The following RNASE4 variants were observed in gnomAD, a reference collection of about 807,000 sequenced individuals.
RNASE4 encodes ribonuclease A family member 4.
For synonymous variants in RNASE4, 93 were observed against 71.4 expected (o/e 1.30, Z -1.52); for missense variants, 194 against 192.8 (o/e 1.01, Z -0.04).
At chr14:20,693,218 G>T (rs2139022209) in intron 1 of RNASE4, among the ~76,000 whole-genome samples, 1 of 152,304 alleles carries the variant, frequency 6.6e-6, no homozygotes, top group Non-Finnish European at 1.5e-5. Context: ...CCTATGTAAT[G>T]TTCATTATTC....
intron 1 of RNASE4, among the ~76,000 whole-genome samples, chr14:20,687,747 A>G (rs760101583): frequency 6.6e-6 from 1 of 152,210 alleles, no homozygotes. Flanking sequence ...GAAAGATTGC[A>G]CTGAATATTA....
chr14:20,699,761 T>G lies in RNASE4; in HGVS notation c.390T>G (p.Arg130=). Residue 130 remains arginine (R), a synonymous_variant, in exon 2 of 2, where the codon CGT becomes CGG. Transcript: ENST00000555835. ...ATCGGGCCATAGCGAGCACTAGACG[T>G]GTTGTCATTGCCTGTGAGGGTAACC... ...CRYRAIASTR[R]VVIACEGNPQ... is the part of the protein sequence containing the mutation. The G allele has an allele frequency of 6.2e-7, 1 of 1,612,126 alleles. No individual in the cohort carries two copies. Among genetic ancestry groups the G allele is most frequent in the Non-Finnish European group, 8.5e-7 (1 of 1,180,002 alleles).
At chr14:20,688,783 C>T in intron 1 of RNASE4, 1 of 985,326 alleles carries the variant, frequency 1.0e-6, no homozygotes, top group Non-Finnish European at 1.2e-6. Flanking sequence ...TCCAGGTTCA[C>T]ACAACTGGAA....
At chr14:20,693,946 GT>G (rs1322637152) in intron 1 of RNASE4, 1 of 1,614,120 alleles carries the variant, frequency 6.2e-7, no homozygotes, top group Non-Finnish European at 8.5e-7. Flanking sequence ...CAGAAACGTT[GT>G]TGTTGCTTGT....
chr14:20,700,600 G>A lies in RNASE4; in HGVS notation c.*785G>A, dbSNP rs113218036. Reference sequence around the variant, plus strand: ...AAGGACCTAAACCGAAGGTACCTGAGAAGACTGTGCTATGGTATTATTTTT... The same window carrying A: ...AAGGACCTAAACCGAAGGTACCTGAAAAGACTGTGCTATGGTATTATTTTT... On this transcript the variant is annotated 3_prime_UTR_variant, in exon 2 of 2. Transcript: ENST00000555835. 1 of 167,026 alleles carries A rather than the reference G, an allele frequency of 6.0e-6. No homozygotes were observed. Among genetic ancestry groups the A allele is most frequent in the African/African-American group, 2.4e-5 (1 of 41,428 alleles). 10.3% of individuals were successfully genotyped at this position (167,026 alleles called of 1,614,324 possible).
At chr14:20,691,002 G>C (rs563220994) in intron 1 of RNASE4, among the ~76,000 whole-genome samples, 1 of 152,302 alleles carries the variant, frequency 6.6e-6, no homozygotes, top group Admixed American at 6.5e-5. Flanking sequence ...GAACTTTGTG[G>C]CTTTTACTTT....
chr14:20,691,925 A>G (rs1886772615), intron 1 of RNASE4, among the ~76,000 whole-genome samples: 1 of 152,130 alleles, frequency 6.6e-6, no homozygotes, highest in African/African-American at 2.4e-5. Flanking sequence ...GGCTAGCCAC[A>G]CCACAGGCCT....
intron 1 of RNASE4, chr14:20,693,682 G>A: frequency 6.2e-7 from 1 of 1,614,180 alleles, no homozygotes; most frequent in South Asian, 1.1e-5. Flanking sequence ...GCACTATGAT[G>A]CCAAACCACA....
intron 1 of RNASE4, chr14:20,694,037 CTGCTG>C: frequency 1.2e-6 from 2 of 1,612,710 alleles, no homozygotes; most frequent in Non-Finnish European, 1.7e-6. Context: ...AGTGCTGGCT[CTGCTG>C]TCCTTGCCTT....
Position 20,693,749 on chromosome 14 carries a change from C to CCTGCA in RNASE4, c.-17-5605_-17-5601dup, listed in dbSNP as rs747227363. ...ATGAGGAGACGGGGCCTGACCTCAC[C>CCTGCA]CTGCAAAGACATCAACACATTTATT... On this transcript the variant is annotated intron_variant, in intron 1 of 1. Transcript: ENST00000555835. 17 of 1,614,136 alleles carry CCTGCA rather than the reference C, an allele frequency of 1.1e-5. No individual in the cohort carries two copies. The South Asian group carries it at 1.8e-4, about 17-fold the overall frequency.
At chr14:20,694,541 C>T (rs994321240) in intron 1 of RNASE4, among the ~76,000 whole-genome samples, 2 of 152,080 alleles carry the variant, frequency 1.3e-5, no homozygotes, top group Non-Finnish European at 2.9e-5. Context: ...CTCGGGAGAT[C>T]CGCCCACCTT....
At chr14:20,695,382 G>A (rs925541177) in intron 1 of RNASE4, among the ~76,000 whole-genome samples, 2 of 144,200 alleles carry the variant, frequency 1.4e-5, no homozygotes, top group Admixed American at 1.4e-4. Flanking sequence ...GCGACAGAGC[G>A]AGACTCCATC....
At chr14:20,687,252 T>C (rs1886470209) in intron 1 of RNASE4, among the ~76,000 whole-genome samples, 1 of 152,236 alleles carries the variant, frequency 6.6e-6, no homozygotes, top group Non-Finnish European at 1.5e-5. Context: ...AAAACTTCCT[T>C]GTGCCAAGTT....
chr14:20,696,138 T>C (rs1309016118), intron 1 of RNASE4, among the ~76,000 whole-genome samples: 1 of 152,224 alleles, frequency 6.6e-6, no homozygotes, highest in Non-Finnish European at 1.5e-5. Context: ...ACCATTATTA[T>C]ATTGATCACA....
Position 20,699,873 on chromosome 14 carries a change from C to A in RNASE4, c.*58C>A. The A allele has an allele frequency of 6.9e-7, 1 of 1,455,294 alleles. No homozygotes were observed. Among genetic ancestry groups the A allele is most frequent in the Non-Finnish European group, 9.6e-7 (1 of 1,046,098 alleles). 90.1% of individuals were successfully genotyped at this position (1,455,294 alleles called of 1,614,324 possible). Reference sequence around the variant, plus strand: ...GACCTTACACTTACTCCTTAAATAGCAGTGAGTAATGCATTTGAGCTGTCC... The same window carrying A: ...GACCTTACACTTACTCCTTAAATAGAAGTGAGTAATGCATTTGAGCTGTCC... On this transcript the variant is annotated 3_prime_UTR_variant, in exon 2 of 2. Coordinates refer to ENST00000555835, the MANE Select transcript of RNASE4 (RefSeq NM_002937.5).
In RNASE4 at chr14:20,700,176, G is replaced by A. The variant is rs138521344; in HGVS notation, c.*361G>A. The A allele has an allele frequency of 1.8e-3, 362 of 203,768 alleles. 2 individuals carry two copies. The highest frequency in any genetic ancestry group is 7.8e-3 in the African/African-American group (333 of 42,782). The allele number at this position is 203,768 out of a possible 1,614,324, so 12.6% of individuals were successfully genotyped here. On this transcript the variant is annotated 3_prime_UTR_variant, in exon 2 of 2. Coordinates refer to ENST00000555835, the MANE Select transcript of RNASE4 (RefSeq NM_002937.5). ...TTAATACCACAGCACTTATAATGAT[G>A]TCACTACATATAGAAGCTCAAAGTT...
intron 1 of RNASE4, among the ~76,000 whole-genome samples, chr14:20,696,890 A>G (rs1021718249): frequency 2.6e-5 from 4 of 152,182 alleles, no homozygotes; most frequent in Non-Finnish European, 5.9e-5. Context: ...GAGAGAGATT[A>G]AGTAATTTTC....
intron 1 of RNASE4, among the ~76,000 whole-genome samples, chr14:20,686,160 T>C (rs781760064): frequency 1.8e-4 from 28 of 152,172 alleles, no homozygotes; most frequent in Admixed American, 9.2e-4. Flanking sequence ...TTCTTTAATA[T>C]GAGGGGTGGA....
chr14:20,689,074 G>C (rs969516345), intron 1 of RNASE4, among the ~76,000 whole-genome samples: 2 of 152,204 alleles, frequency 1.3e-5, no homozygotes, highest in African/African-American at 4.8e-5. Flanking sequence ...GTGAGACTGG[G>C]AGGAAGTGGA....
Sources: allele counts gnomAD v4.1 joint callset (sites outside exome capture counted in the v4.1 genomes callset), GRCh38; gene constraint gnomAD v4.1.1; transcripts MANE v1.5; gene names NCBI Gene and HGNC (gene_info 2026-07-23, HGNC 2026-07-21).